LRP1B: variants seen among roughly 807,000 people sequenced by gnomAD.
LRP1B encodes the protein LDL receptor related protein 1B, also known as low-density lipoprotein receptor-related protein 1B.
LRP1B carries 217 observed loss-of-function variants against 556.6 expected under a neutral mutation model. The ratio of observed to expected loss-of-function variants is 0.39; its 90% CI spans 0.35 to 0.44. The LOEUF (loss-of-function observed/expected upper bound fraction) is 0.44, where lower values mean the gene tolerates loss of function less well. Ranked by LOEUF, LRP1B falls within the 20% of genes least tolerant of loss-of-function variation. LRP1B has a pLI of 1.00. For synonymous variants in LRP1B, 2,047 were observed against 1,865.8 expected (o/e 1.10, Z -2.50); for missense variants, 5,053 against 5,620.8 (o/e 0.90, Z 3.23).
At chr2:140,883,157 G>A (rs111969568) in intron 25 of LRP1B, among the ~76,000 whole-genome samples, 1 of 152,076 alleles carries the variant, frequency 6.6e-6, no homozygotes, top group African/African-American at 2.4e-5. Flanking sequence ...GGGCAGGAAC[G>A]GGAACCCATA....
chr2:142,100,841 T>G (rs996757548), intron 1 of LRP1B, among the ~76,000 whole-genome samples: 1 of 151,956 alleles, frequency 6.6e-6, no homozygotes, highest in Non-Finnish European at 1.5e-5. Context: ...AAATTTAGCT[T>G]TCTTCTTTTA....
intron 3 of LRP1B, among the ~76,000 whole-genome samples, chr2:141,261,888 T>A (rs1684704320): frequency 6.6e-6 from 1 of 152,170 alleles, no homozygotes; most frequent in Non-Finnish European, 1.5e-5. Flanking sequence ...AGGTTATTAT[T>A]TTATTTGGGT....
chr2:140,772,195 C>T (rs116310679), intron 33 of LRP1B, among the ~76,000 whole-genome samples: 2,267 of 152,060 alleles, frequency 0.015, 51 homozygotes, highest in African/African-American at 0.052. Flanking sequence ...TTAACTGATT[C>T]ATTCCACATT....
chr2:140,699,293 G>A (rs1686545815), intron 41 of LRP1B, among the ~76,000 whole-genome samples: 1 of 151,882 alleles, frequency 6.6e-6, no homozygotes. Flanking sequence ...GCAATACACA[G>A]TAAATGAAAA....
At chr2:141,608,327 C>T (rs944032863) in intron 2 of LRP1B, among the ~76,000 whole-genome samples, 1 of 152,186 alleles carries the variant, frequency 6.6e-6, no homozygotes, top group Non-Finnish European at 1.5e-5. Flanking sequence ...AAAACTAGAG[C>T]ATATATGTCT....
chr2:141,161,692 A>C (rs950448809), intron 7 of LRP1B, among the ~76,000 whole-genome samples: 1 of 152,116 alleles, frequency 6.6e-6, no homozygotes, highest in Admixed American at 6.6e-5. Flanking sequence ...TTTATTGTCC[A>C]ACCAGAATAA....
intron 20 of LRP1B, among the ~76,000 whole-genome samples, chr2:140,932,464 A>C (rs935537651): frequency 1.3e-5 from 2 of 152,150 alleles, no homozygotes; most frequent in Admixed American, 1.3e-4. Flanking sequence ...GCAACAGGCA[A>C]AGCCTAAAAT....
At chr2:141,005,634 G>T (rs1356223413) in intron 14 of LRP1B, among the ~76,000 whole-genome samples, 177 bp from the exon 15 acceptor site, 1 of 152,030 alleles carries the variant, frequency 6.6e-6, no homozygotes, top group African/African-American at 2.4e-5. Flanking sequence ...AATAGGTGGT[G>T]CATTGGTAGA....
intron 41 of LRP1B, among the ~76,000 whole-genome samples, chr2:140,639,309 A>AT (rs1230763970): frequency 2.6e-5 from 4 of 152,276 alleles, no homozygotes; most frequent in African/African-American, 7.2e-5. Context: ...TTCATCTTGA[A>AT]TTTTTTTGAC....
At chr2:140,345,827 CATAT>C (rs1010238179) in intron 77 of LRP1B, among the ~76,000 whole-genome samples, 2 of 131,974 alleles carry the variant, frequency 1.5e-5, no homozygotes, top group South Asian at 2.3e-4. Flanking sequence ...TACATATATA[CATAT>C]ATATATACAC....
intron 47 of LRP1B, 67 bp downstream of exon 47, chr2:140,533,954 A>G: frequency 1.3e-6 from 2 of 1,574,446 alleles, no homozygotes; most frequent in Non-Finnish European, 1.7e-6. Context: ...CTCAGAAACG[A>G]ATGTTGGAAA....
intron 41 of LRP1B, among the ~76,000 whole-genome samples, chr2:140,660,008 A>C (rs1019028951): frequency 6.6e-6 from 1 of 152,072 alleles, no homozygotes; most frequent in Non-Finnish European, 1.5e-5. Flanking sequence ...TGTATATTCT[A>C]TCACCAGCCA....
At chr2:141,727,813 CTATA>C (rs990413962) in intron 2 of LRP1B, among the ~76,000 whole-genome samples, 1 of 151,550 alleles carries the variant, frequency 6.6e-6, no homozygotes, top group Non-Finnish European at 1.5e-5. Flanking sequence ...ATCAATCTCT[CTATA>C]TATATATACA....
chr2:141,262,661 G>A (rs982269871), intron 3 of LRP1B, among the ~76,000 whole-genome samples: 1 of 152,116 alleles, frequency 6.6e-6, no homozygotes, highest in Admixed American at 6.6e-5. Flanking sequence ...ACCATTTAGT[G>A]AGATTACTAA....
chr2:140,430,372 C>A lies in LRP1B; in HGVS notation c.10414+12132G>T, dbSNP rs184607174. Among the ~76,000 whole-genome samples the A allele has an allele frequency of 2.6e-3, 400 of 152,310 alleles. 8 individuals carry two copies. Among genetic ancestry groups the A allele is most frequent in the Admixed American group, 0.024 (373 of 15,308 alleles). On this transcript the variant is annotated intron_variant, in intron 66 of 90. Transcript: ENST00000389484. ...ATATGCGCTGAAAGAGGCTTCCTCA[C>A]TACTCAAAGGTCCTCCATCATTAAT... is the stretch of plus-strand genomic sequence containing the variant.
intron 7 of LRP1B, among the ~76,000 whole-genome samples, chr2:141,188,172 G>T (rs971598594): frequency 6.6e-6 from 1 of 151,958 alleles, no homozygotes; most frequent in Admixed American, 6.6e-5. Context: ...TTCTTGGGAA[G>T]GTGGAAGGGA....
At position 140,293,885 on chromosome 2, in the gene LRP1B, C is replaced by G. The variant is rs574007651; in HGVS notation, c.12967+3923G>C. Among the ~76,000 whole-genome samples the G allele has an allele frequency of 4.6e-5, 7 of 152,196 alleles. No individual in the cohort carries two copies. The East Asian group carries it at 1.4e-3, about 29-fold the overall frequency. On this transcript the variant is annotated intron_variant, in intron 84 of 90. Transcript: ENST00000389484. The stretch of plus-strand genomic sequence containing the variant: ...TCGGGACCTTGAGCAAGTTATTTAA[C>G]CTCTGTCTAAGGATTAATTGGTTAA...
chr2:140,747,913 G>A lies in LRP1B; in HGVS notation c.5758+21300C>T, dbSNP rs551355746. On this transcript the variant is annotated intron_variant, in intron 35 of 90. Transcript: ENST00000389484. ...AGGGGTTATATGTGATTGCAAATGCGAGACTATTTTCAAGGTATGCAATTT... is the reference window on the plus strand; with the variant it reads ...AGGGGTTATATGTGATTGCAAATGCAAGACTATTTTCAAGGTATGCAATTT... Among the ~76,000 whole-genome samples, 5 of 151,438 alleles carry A rather than the reference G, an allele frequency of 3.3e-5. No individual in the cohort carries two copies. The South Asian group carries it at 1.0e-3, about 31-fold the overall frequency.
chr2:141,976,243 T>C (rs2105085643), intron 1 of LRP1B, among the ~76,000 whole-genome samples: 1 of 152,256 alleles, frequency 6.6e-6, no homozygotes, highest in South Asian at 2.1e-4. Flanking sequence ...AGACACCTTT[T>C]GGCAAAACTA....
Sources: gnomAD v4.1 joint callset for allele counts (sites outside exome capture counted in the v4.1 genomes callset) on GRCh38, gnomAD v4.1.1 for gene constraint, MANE v1.5 for transcripts, NCBI Gene and HGNC (gene_info 2026-07-23, HGNC 2026-07-21) for gene names.